Variants in FYN observed in about 807,000 individuals in gnomAD.
FYN encodes the protein tyrosine-protein kinase Fyn.
Under a neutral mutation model 70.2 loss-of-function variants are expected in FYN, and 10 were observed. The observed-to-expected ratio is 0.14, with a 90% CI of 0.09 to 0.24. The LOEUF is 0.24. FYN is among the 10% of genes least tolerant of loss of function. The probability of loss-of-function intolerance (pLI) is 1.00; values close to 1 mark genes in which losing one functional copy is unlikely to be tolerated. For synonymous variants in FYN, 236 were observed against 248.6 expected (o/e 0.95, Z 0.48); for missense variants, 319 against 673.1 (o/e 0.47, Z 5.82).
At chr6:111,855,204 A>G (rs1773794277) in intron 1 of FYN, among the ~76,000 whole-genome samples, 1 of 152,018 alleles carries the variant, frequency 6.6e-6, no homozygotes, top group Non-Finnish European at 1.5e-5. Context: ...ATTTTTTTTC[A>G]TTTATCTCAT....
intron 2 of FYN, among the ~76,000 whole-genome samples, chr6:111,826,372 G>A (rs926086442): frequency 3.4e-5 from 5 of 147,538 alleles, no homozygotes; most frequent in African/African-American, 2.4e-5. Context: ...ATATGTGTAT[G>A]TATGTGTATT....
intron 2 of FYN, among the ~76,000 whole-genome samples, chr6:111,786,692 G>T (rs1397020389): frequency 6.6e-6 from 1 of 152,190 alleles, no homozygotes; most frequent in Non-Finnish European, 1.5e-5. Context: ...CAGTGTAAAA[G>T]TGTTCCTATT....
chr6:111,728,742 C>G (rs1801305775), intron 3 of FYN, among the ~76,000 whole-genome samples: 1 of 152,158 alleles, frequency 6.6e-6, no homozygotes, highest in South Asian at 2.1e-4. Flanking sequence ...TTTATCTATT[C>G]ATCAACTGAT....
At chr6:111,816,080 T>C (rs1772480852) in intron 2 of FYN, among the ~76,000 whole-genome samples, 1 of 152,204 alleles carries the variant, frequency 6.6e-6, no homozygotes, top group African/African-American at 2.4e-5. Flanking sequence ...AAATGCTACA[T>C]AGCTAGGTGA....
At chr6:111,753,983 A>C (rs1473827943) in intron 3 of FYN, among the ~76,000 whole-genome samples, 2 of 152,220 alleles carry the variant, frequency 1.3e-5, no homozygotes, top group African/African-American at 4.8e-5. Flanking sequence ...TAGGGAGGTT[A>C]GTAGGAAGAA....
At position 111,765,285 on chromosome 6, in the gene FYN, C is replaced by A. The variant is rs562982316; in HGVS notation, c.-12+15281G>T. Among the ~76,000 whole-genome samples the A allele has an allele frequency of 3.3e-5, 5 of 152,104 alleles. No homozygotes were observed. The South Asian group carries it at 1.0e-3, about 32-fold the overall frequency. ...ATGTAACTGTATTTGGAGAAGGGGG[C>A]CTTAAAGGAGGTTGATGAAAAATAA... On this transcript the variant is annotated intron_variant, in intron 3 of 13. Coordinates refer to ENST00000354650, the MANE Select transcript of FYN (RefSeq NM_002037.5).
intron 12 of FYN, among the ~76,000 whole-genome samples, chr6:111,675,965 T>G (rs980518927): frequency 6.6e-5 from 10 of 152,118 alleles, no homozygotes. Flanking sequence ...TTTTATTACT[T>G]ATGGAAACAC....
At chr6:111,822,984 G>C (rs1028356490) in intron 2 of FYN, among the ~76,000 whole-genome samples, 4 of 152,186 alleles carry the variant, frequency 2.6e-5, no homozygotes, top group African/African-American at 9.7e-5. Context: ...GGGTAAAAAC[G>C]GGGTGTAAGG....
intron 3 of FYN, among the ~76,000 whole-genome samples, chr6:111,760,614 T>C (rs1021444675): frequency 3.3e-5 from 5 of 152,240 alleles, no homozygotes; most frequent in Non-Finnish European, 7.3e-5. Context: ...GCAGGAATGC[T>C]GCAGCGCGCT....
chr6:111,837,865 C>T (rs58691769), intron 2 of FYN, among the ~76,000 whole-genome samples: 51,857 of 152,164 alleles, frequency 0.34, 13,181 homozygotes, highest in African/African-American at 0.72. Context: ...GCAGCCTTAT[C>T]TGGAGGGACT....
At chr6:111,761,892 T>C (rs1246486370) in intron 3 of FYN, among the ~76,000 whole-genome samples, 1 of 152,142 alleles carries the variant, frequency 6.6e-6, no homozygotes, top group Non-Finnish European at 1.5e-5. Flanking sequence ...CTGCATCCAA[T>C]CATCATTCCC....
At chr6:111,691,510 G>A (rs1195407251) in intron 12 of FYN, among the ~76,000 whole-genome samples, 1 of 152,182 alleles carries the variant, frequency 6.6e-6, no homozygotes, top group African/African-American at 2.4e-5. Flanking sequence ...GCTGTCTGGA[G>A]GAGCTGATTA....
At chr6:111,692,119 G>C (rs2128431999) in intron 12 of FYN, among the ~76,000 whole-genome samples, 1 of 144,156 alleles carries the variant, frequency 6.9e-6, no homozygotes, top group East Asian at 2.0e-4. Flanking sequence ...CCCCAGTTCA[G>C]CTCTCCAGTT....
chr6:111,661,910 T>A lies in FYN; in HGVS notation c.1443A>T (p.Arg481=), dbSNP rs199500850. 10 of 1,613,840 alleles carry A rather than the reference T, an allele frequency of 6.2e-6. No homozygotes were observed. In the East Asian group the frequency reaches 2.2e-4, roughly 36 times the overall value. Residue 481 remains arginine (R), a synonymous_variant, in exon 14 of 14, where the codon CGA becomes CGT. Transcript: ENST00000354650. This position sits in a 1 kb window ranked among gnomAD's most constrained non-coding sequence, Gnocchi z 4.0. ...CCTGCGGGCAGGGCATCCTGTAGCC[T>A]CGCTCCACCTGCTCCAGCACCTCCC... The part of the protein sequence containing the change: ...NNREVLEQVE[R]GYRMPCPQDC...
At chr6:111,861,814 T>C (rs1160449184) in intron 1 of FYN, among the ~76,000 whole-genome samples, 1 of 152,204 alleles carries the variant, frequency 6.6e-6, no homozygotes, top group Non-Finnish European at 1.5e-5. Flanking sequence ...TGGAAAACAT[T>C]TTATAAAGCT....
At chr6:111,789,101 A>G (rs762018335) in intron 2 of FYN, among the ~76,000 whole-genome samples, 1 of 152,256 alleles carries the variant, frequency 6.6e-6, no homozygotes, top group Non-Finnish European at 1.5e-5. Flanking sequence ...GAAGGTGCTC[A>G]GCCAGCAGAA....
At chr6:111,805,439 T>A (rs1395958326) in intron 2 of FYN, among the ~76,000 whole-genome samples, 1 of 152,226 alleles carries the variant, frequency 6.6e-6, no homozygotes, top group East Asian at 1.9e-4. Context: ...TATATTTTGC[T>A]GTTTGCCAAA....
intron 3 of FYN, among the ~76,000 whole-genome samples, chr6:111,778,335 G>A (rs1771032679): frequency 6.6e-6 from 1 of 152,184 alleles, no homozygotes. Flanking sequence ...TACTTCGAAG[G>A]TGACTAAGAG....
chr6:111,688,427 A>G (rs1164568453), intron 12 of FYN, among the ~76,000 whole-genome samples: 1 of 152,194 alleles, frequency 6.6e-6, no homozygotes, highest in Non-Finnish European at 1.5e-5. Flanking sequence ...ACAGCAGGAG[A>G]GCATGTCTCA....
Sources: allele counts gnomAD v4.1 joint callset (sites outside exome capture counted in the v4.1 genomes callset), GRCh38; gene constraint gnomAD v4.1.1; non-coding constraint Gnocchi (gnomAD v3.1); transcripts MANE v1.5; gene names NCBI Gene and HGNC (gene_info 2026-07-23, HGNC 2026-07-21).